Variants in DNAAF4 observed in about 807,000 individuals in gnomAD.
DNAAF4 encodes dynein assembly factor 4, axonemal.
In DNAAF4, 43 loss-of-function variants were observed where a neutral mutation model predicts 51.8. The ratio of observed to expected loss-of-function variants is 0.83; its 90% confidence interval spans 0.65 to 1.07. The LOEUF is 1.07. Ranked by LOEUF, DNAAF4 falls within the 50% of genes least tolerant of loss-of-function variation. The pLI is 0.00. For missense variants in DNAAF4, 581 were observed against 493.0 expected (o/e 1.18, Z -1.69); for synonymous variants, 194 against 165.6 (o/e 1.17, Z -1.32).
chr15:55,504,428 G>A (rs1292156492), intron 1 of DNAAF4, among the ~76,000 whole-genome samples: 2 of 152,022 alleles, frequency 1.3e-5, no homozygotes, highest in Non-Finnish European at 2.9e-5. Context: ...CTACTTTAAG[G>A]TTCATATGGA....
intron 4 of DNAAF4, among the ~76,000 whole-genome samples, chr15:55,479,795 A>G (rs1178183480): frequency 6.6e-6 from 1 of 152,026 alleles, no homozygotes; most frequent in African/African-American, 2.4e-5. Context: ...AAGGACTGAG[A>G]TACGCCCTGG....
chr15:55,496,767 T>G lies in DNAAF4; in HGVS notation c.271+945A>C, dbSNP rs1288159115. 2.6e-5 allele frequency among the ~76,000 whole-genome samples: 4 copies of G among 151,922 alleles called. No homozygotes were observed. The East Asian group carries it at 7.7e-4, about 29-fold the overall frequency. On this transcript the variant is annotated intron_variant, in intron 3 of 9. Transcript: ENST00000321149. Reference sequence around the variant, plus strand: ...CCTTTTTTTTTTTCTAAAACAGCAATTGAATGAGTTCAGGATATGCCACCC... The same window carrying G: ...CCTTTTTTTTTTTCTAAAACAGCAAGTGAATGAGTTCAGGATATGCCACCC...
chr15:55,500,869 G>A (rs907086650), intron 1 of DNAAF4, among the ~76,000 whole-genome samples: 3 of 151,366 alleles, frequency 2.0e-5, no homozygotes, highest in African/African-American at 7.3e-5. Context: ...GCACATGTCT[G>A]TAATCCCAGC....
At chr15:55,425,884 C>T (rs181932032), downstream of DNAAF4, among the ~76,000 whole-genome samples, 19 of 152,294 alleles carry the variant, frequency 1.2e-4, no homozygotes, top group East Asian at 3.5e-3. Flanking sequence ...ATGGGTTGAC[C>T]TTGCCTGCTG....
chr15:55,443,315 G>A (rs56842095), intron 6 of DNAAF4: 382,422 of 1,276,496 alleles, frequency 0.3, 61,760 homozygotes, highest in Non-Finnish European at 0.34. Context: ...GGCTGGCAAA[G>A]GGCCCCCAGC....
At chr15:55,473,174 C>CA (rs1383336923) in intron 4 of DNAAF4, among the ~76,000 whole-genome samples, 51 of 29,834 alleles carry the variant, frequency 1.7e-3, no homozygotes, top group East Asian at 4.6e-3. Flanking sequence ...TCAAAACAAA[C>CA]AAAAAAAAAA....
chr15:55,419,117 CCT>C (rs1447500575), intron 7 of DNAAF4, among the ~76,000 whole-genome samples: 1 of 152,054 alleles, frequency 6.6e-6, no homozygotes, highest in African/African-American at 2.4e-5. Flanking sequence ...GGGGTTTCAC[CCT>C]GTTAGCTAGG....
chr15:55,461,677 C>G (rs2058096506), intron 5 of DNAAF4, among the ~76,000 whole-genome samples: 1 of 152,000 alleles, frequency 6.6e-6, no homozygotes, highest in East Asian at 1.9e-4. Context: ...ACGCCTACAT[C>G]AAAAAGTCTG....
intron 4 of DNAAF4, among the ~76,000 whole-genome samples, chr15:55,473,708 T>C (rs181870452): frequency 7.9e-5 from 12 of 151,982 alleles, no homozygotes; most frequent in African/African-American, 2.9e-4. Context: ...ATATTAGAAA[T>C]AGCCGGGCGC....
At chr15:55,464,964 TAAAC>T (rs1378285566) in intron 5 of DNAAF4, among the ~76,000 whole-genome samples, 6 of 151,906 alleles carry the variant, frequency 3.9e-5, no homozygotes, top group African/African-American at 7.3e-5. Context: ...TCAAAATAAA[TAAAC>T]AAACAAACAA....
intron 1 of DNAAF4, among the ~76,000 whole-genome samples, chr15:55,506,524 A>G (rs2058728120): frequency 6.6e-6 from 1 of 152,198 alleles, no homozygotes; most frequent in Non-Finnish European, 1.5e-5. Flanking sequence ...TTCTAATAAT[A>G]AAAGTGTCTC....
chr15:55,445,994 C>T (rs189804887), intron 6 of DNAAF4, among the ~76,000 whole-genome samples: 3,700 of 121,774 alleles, frequency 0.03, 101 homozygotes, highest in Admixed American at 0.11. Context: ...ACATCCCAGA[C>T]GGGGTGGCCG....
chr15:55,464,382 C>T (rs1438712140), intron 5 of DNAAF4, among the ~76,000 whole-genome samples: 2 of 152,182 alleles, frequency 1.3e-5, no homozygotes, highest in African/African-American at 4.8e-5. Context: ...CCCCTTCTAA[C>T]ACTGGCTTAG....
intron 9 of DNAAF4, among the ~76,000 whole-genome samples, chr15:55,431,562 C>T (rs1011931439): frequency 2.8e-4 from 43 of 150,968 alleles, no homozygotes; most frequent in Admixed American, 2.7e-3. Context: ...GCAAGCTCTG[C>T]CTTCCGGGTT....
chr15:55,438,243 G>A (rs1470665823), intron 7 of DNAAF4, among the ~76,000 whole-genome samples: 1 of 151,498 alleles, frequency 6.6e-6, no homozygotes, highest in African/African-American at 2.4e-5. Flanking sequence ...CCCAGCTACT[G>A]AGGAGGCTGA....
chr15:55,442,205 G>A lies in DNAAF4; in HGVS notation c.784-2624C>T, dbSNP rs751719250. On this transcript the variant is annotated intron_variant, in intron 6 of 9. Coordinates refer to ENST00000321149, the MANE Select transcript of DNAAF4 (RefSeq NM_130810.4). ...ATGATCTTGGCTCACTGCAACCTCC[G>A]CTTCCCGGGTTCAAGCAATTCTCCT... Among the ~76,000 whole-genome samples, 5 of 152,112 alleles carry A rather than the reference G, an allele frequency of 3.3e-5. No homozygotes were observed. In the South Asian group the frequency reaches 6.2e-4, roughly 19 times the overall value.
chr15:55,453,732 A>AAAG (rs1330746816), intron 5 of DNAAF4, among the ~76,000 whole-genome samples: 1 of 151,622 alleles, frequency 6.6e-6, no homozygotes, highest in African/African-American at 2.4e-5. Context: ...TTGTACTTTT[A>AAAG]GTAGAGACGG....
downstream of DNAAF4, among the ~76,000 whole-genome samples, chr15:55,426,134 C>A (rs2057428986): frequency 7.1e-6 from 1 of 140,812 alleles, no homozygotes; most frequent in Non-Finnish European, 1.5e-5. Context: ...TACACTGAGT[C>A]AGTTCCTGGG....
intron 4 of DNAAF4, among the ~76,000 whole-genome samples, chr15:55,486,227 T>C (rs1319239449): frequency 2.0e-5 from 3 of 150,884 alleles, no homozygotes; most frequent in East Asian, 3.9e-4. Flanking sequence ...AGTTTCACTC[T>C]TTGTTACCCA....
Sources: gnomAD v4.1 joint callset for allele counts (sites outside exome capture counted in the v4.1 genomes callset) on GRCh38, gnomAD v4.1.1 for gene constraint, MANE v1.5 for transcripts, NCBI Gene and HGNC (gene_info 2026-07-23, HGNC 2026-07-21) for gene names.